The following EXOC2 variants were observed in gnomAD, a reference collection of about 807,000 sequenced individuals.
EXOC2 encodes the protein exocyst complex component 2.
A neutral mutation model predicts 131.8 loss-of-function variants in EXOC2; 70 were observed. That is an observed-to-expected ratio of 0.53 (90% CI 0.44 to 0.65). The LOEUF is 0.65. EXOC2 is among the 30% of genes least tolerant of loss of function. The pLI, the probability that EXOC2 is intolerant of heterozygous loss-of-function variation, is 0.00. For missense variants in EXOC2, 923 were observed against 1,108.6 expected (o/e 0.83, Z 2.38); for synonymous variants, 411 against 398.4 (o/e 1.03, Z -0.38).
intron 1 of EXOC2, among the ~76,000 whole-genome samples, chr6:691,283 C>G (rs1031653556): frequency 1.3e-5 from 2 of 152,194 alleles, no homozygotes; most frequent in Non-Finnish European, 2.9e-5. Context: ...GACCCTTAAG[C>G]AACATGGGTT....
chr6:655,058 T>A (rs1053525318), intron 1 of EXOC2, among the ~76,000 whole-genome samples: 1 of 152,206 alleles, frequency 6.6e-6, no homozygotes, highest in African/African-American at 2.4e-5. Flanking sequence ...CTGAGAGGAC[T>A]GTTTTGAAAG....
At chr6:539,274 A>AG (rs1332141968) in intron 22 of EXOC2, among the ~76,000 whole-genome samples, 3 of 152,180 alleles carry the variant, frequency 2.0e-5, no homozygotes, top group Admixed American at 6.5e-5. Flanking sequence ...AACTTACAGA[A>AG]GTAAAAGGCG....
chr6:491,068 TA>T, intron 26 of EXOC2, 56 bp downstream of exon 26: 2 of 1,543,840 alleles, frequency 1.3e-6, no homozygotes, highest in Non-Finnish European at 1.8e-6. Flanking sequence ...CAGAATTGAC[TA>T]GTAAGACAAC....
At chr6:504,617 C>A (rs1237517454) in intron 23 of EXOC2, among the ~76,000 whole-genome samples, 1 of 152,164 alleles carries the variant, frequency 6.6e-6, no homozygotes, top group Non-Finnish European at 1.5e-5. Context: ...GATGGAATTT[C>A]CTGGCTAACC....
Position 693,088 on chromosome 6 carries a change from G to T in EXOC2, c.-113C>A, listed in dbSNP as rs1475085120. 3 of 152,394 alleles carry T rather than the reference G, an allele frequency of 2.0e-5. No individual in the cohort carries two copies. Among genetic ancestry groups the T allele is most frequent in the Non-Finnish European group, 4.4e-5 (3 of 68,168 alleles). 9.4% of individuals were successfully genotyped at this position (152,394 alleles called of 1,614,324 possible). The stretch of plus-strand genomic sequence containing the variant: ...CGGTAGGTCTCGCCGAAGACTCCGC[G>T]GCCGCCAGCCGCCGGCACCTCACTT... On this transcript the variant is annotated 5_prime_UTR_variant, in exon 1 of 28. Transcript: ENST00000230449.
At chr6:505,211 G>A (rs990688305) in intron 23 of EXOC2, among the ~76,000 whole-genome samples, 2 of 152,168 alleles carry the variant, frequency 1.3e-5, no homozygotes, top group Admixed American at 6.5e-5. Context: ...GTCCTTGACA[G>A]TACTCCTCAT....
At position 619,759 on chromosome 6, in the gene EXOC2, G is replaced by A. The variant is rs183473296; in HGVS notation, c.423-216C>T. 8.6e-4 allele frequency among the ~76,000 whole-genome samples: 131 copies of A among 152,128 alleles called. 1 individual carries two copies. Among genetic ancestry groups the A allele is most frequent in the African/African-American group, 3.1e-3 (128 of 41,502 alleles). On this transcript the variant is annotated intron_variant, in intron 4 of 27. Coordinates refer to ENST00000230449, the MANE Select transcript of EXOC2 (RefSeq NM_018303.6). ...ATCACTTAAACTTTGATTTTATATA[G>A]AAAAGATAGGAAACTAGTTGAAATA...
rs1759596979 is a variant in EXOC2 at position 592,502 on chromosome 6, T to G, written c.1159A>C (p.Ser387Arg). 6.2e-7 allele frequency: 1 copy of G among 1,614,062 alleles called. No homozygotes were observed. Among genetic ancestry groups the G allele is most frequent in the Admixed American group, 1.7e-5 (1 of 60,014 alleles). Residue 387 changes from serine to arginine, a missense_variant, in exon 11 of 28, where the codon AGT becomes CGT. Ser to Arg is a moderately radical substitution (Grantham distance 110). Coordinates refer to ENST00000230449, the MANE Select transcript of EXOC2 (RefSeq NM_018303.6). ...TCTTTCACGTAGCCCTCTTTGCAACTGTGCATGAGCTGAAGGATCCACTTG... is the reference window on the plus strand; with the variant it reads ...TCTTTCACGTAGCCCTCTTTGCAACGGTGCATGAGCTGAAGGATCCACTTG... ...QHKWILQLMH[S>R]CKEGYVKDLK...
intron 1 of EXOC2, among the ~76,000 whole-genome samples, chr6:687,184 T>TTTTTTC (rs1764699717): frequency 7.9e-6 from 1 of 126,522 alleles, no homozygotes; most frequent in Non-Finnish European, 1.7e-5. Flanking sequence ...TTTTTTTTTT[T>TTTTTTC]TTTTTTTTTT....
At chr6:518,681 A>G (rs1361145560) in intron 23 of EXOC2, among the ~76,000 whole-genome samples, 1 of 152,232 alleles carries the variant, frequency 6.6e-6, no homozygotes, top group Admixed American at 6.5e-5. Context: ...CACTGACTCT[A>G]ATATATCAAA....
chr6:687,072 G>C lies in EXOC2; in HGVS notation c.-44+5947C>G, dbSNP rs186765381. ...AAAAACAGTAAGTCTTAGTATTTTA[G>C]GAAGTATAGTTTTTCAGAAAAAAAG... On this transcript the variant is annotated intron_variant, in intron 1 of 27. Transcript: ENST00000230449. Among the ~76,000 whole-genome samples, 240 of 150,996 alleles carry C rather than the reference G, an allele frequency of 1.6e-3. 1 individual carries two copies. The highest frequency in any genetic ancestry group is 5.4e-3 in the African/African-American group (221 of 41,142).
intron 22 of EXOC2, among the ~76,000 whole-genome samples, chr6:544,637 C>T (rs1756736696): frequency 6.6e-6 from 1 of 152,206 alleles, no homozygotes; most frequent in Non-Finnish European, 1.5e-5. Flanking sequence ...TACTCACTCA[C>T]ATCTAGGTAT....
chr6:575,385 C>A (rs1758517862), intron 12 of EXOC2, among the ~76,000 whole-genome samples: 1 of 152,170 alleles, frequency 6.6e-6, no homozygotes, highest in Admixed American at 6.6e-5. Flanking sequence ...TGAGCACCAG[C>A]AGTGAGCTGC....
intron 12 of EXOC2, among the ~76,000 whole-genome samples, chr6:575,957 T>G (rs1015309322): frequency 6.6e-6 from 1 of 152,208 alleles, no homozygotes; most frequent in African/African-American, 2.4e-5. Flanking sequence ...ATGGAAGCCT[T>G]TCATTTAGTA....
At chr6:501,193 C>A (rs57850370) in intron 23 of EXOC2, among the ~76,000 whole-genome samples, 1 of 12,404 alleles carries the variant, frequency 8.1e-5, no homozygotes, top group African/African-American at 2.0e-4. Context: ...TTATATATAT[C>A]TATATATATT....
At position 532,625 on chromosome 6, in the gene EXOC2, T is replaced by C; in HGVS notation, c.2239-15A>G. 3 of 1,498,876 alleles carry C rather than the reference T, an allele frequency of 2.0e-6. No homozygotes were observed. The highest frequency in any genetic ancestry group is 2.7e-6 in the Non-Finnish European group (3 of 1,126,684). 92.8% of individuals were successfully genotyped at this position (1,498,876 alleles called of 1,614,324 possible). A position where few individuals can be genotyped will look rare whatever the true frequency, so the allele number is the denominator to read the frequency against. ...GCCATGCTAACCTATAAACACATAA[T>C]GAAGAGTATGAGTTGCCTATTTGAG... On this transcript the variant is annotated splice_polypyrimidine_tract_variant and intron_variant, in intron 22 of 27. Coordinates refer to ENST00000230449, the MANE Select transcript of EXOC2 (RefSeq NM_018303.6).
intron 1 of EXOC2, chr6:656,443 T>C: frequency 6.2e-7 from 1 of 1,613,750 alleles, no homozygotes; most frequent in Non-Finnish European, 8.5e-7. Flanking sequence ...CTCTCCACGA[T>C]GCTCCTCAGC....
At chr6:550,540 G>C (rs1441723324) in intron 21 of EXOC2, among the ~76,000 whole-genome samples, 2 of 152,224 alleles carry the variant, frequency 1.3e-5, no homozygotes, top group African/African-American at 4.8e-5. Context: ...GAACGGCCTT[G>C]AGTTACTCTA....
At chr6:618,585 T>A (rs899536364) in intron 5 of EXOC2, among the ~76,000 whole-genome samples, 2 of 152,170 alleles carry the variant, frequency 1.3e-5, no homozygotes, top group Non-Finnish European at 2.9e-5. Context: ...AATGAAAAAA[T>A]TCATCTTGGA....
Sources: allele counts gnomAD v4.1 joint callset (sites outside exome capture counted in the v4.1 genomes callset), GRCh38; gene constraint gnomAD v4.1.1; transcripts MANE v1.5; gene names NCBI Gene and HGNC (gene_info 2026-07-23, HGNC 2026-07-21).